Variants in CSMD1 observed in about 807,000 individuals in gnomAD.
CSMD1 encodes CUB and sushi domain-containing protein 1.
CSMD1 carries 213 observed loss-of-function variants against 417.5 expected under a neutral mutation model. The observed-to-expected ratio is 0.51, with a 90% confidence interval of 0.46 to 0.57. The LOEUF is 0.57. Ranked by LOEUF, CSMD1 falls within the 20% of genes least tolerant of loss-of-function variation. The probability of loss-of-function intolerance (pLI) is 0.00; values close to 1 mark genes in which losing one functional copy is unlikely to be tolerated. For missense variants in CSMD1, 6,923 were observed against 4,529.7 expected (o/e 1.53, Z -15.17); for synonymous variants, 2,862 against 1,736.8 (o/e 1.65, Z -16.11).
intron 2 of CSMD1, among the ~76,000 whole-genome samples, chr8:4,507,448 G>A (rs901310236): frequency 3.5e-4 from 54 of 152,124 alleles, no homozygotes; most frequent in African/African-American, 1.3e-3. Flanking sequence ...GTGCCAGGCT[G>A]TCCTTATCTC....
At chr8:4,355,599 C>T (rs1801381215) in intron 3 of CSMD1, among the ~76,000 whole-genome samples, 1 of 152,110 alleles carries the variant, frequency 6.6e-6, no homozygotes, top group Non-Finnish European at 1.5e-5. Flanking sequence ...AGTGTTCAGA[C>T]AGAAGAATAA....
intron 2 of CSMD1, among the ~76,000 whole-genome samples, chr8:4,461,829 C>T (rs1027878943): frequency 4.0e-5 from 6 of 151,432 alleles, no homozygotes; most frequent in Non-Finnish European, 7.4e-5. Context: ...CAAGCTCCAC[C>T]TACGGGGTTC....
At chr8:4,176,568 A>T (rs1798053712) in intron 3 of CSMD1, among the ~76,000 whole-genome samples, 1 of 152,014 alleles carries the variant, frequency 6.6e-6, no homozygotes, top group Non-Finnish European at 1.5e-5. Flanking sequence ...TTTTGGCAGT[A>T]GAAGTACCCT....
intron 5 of CSMD1, among the ~76,000 whole-genome samples, chr8:3,929,343 T>A (rs1265468565): frequency 6.6e-6 from 1 of 150,570 alleles, no homozygotes; most frequent in Non-Finnish European, 1.5e-5. Flanking sequence ...GCATACATAA[T>A]TTTTAATACT....
At chr8:3,439,016 G>A (rs1257017287) in intron 12 of CSMD1, among the ~76,000 whole-genome samples, 36 of 148,548 alleles carry the variant, frequency 2.4e-4, no homozygotes, top group Admixed American at 2.1e-3. Context: ...CAGCTACCCA[G>A]GAGGCTGAGG....
Position 4,683,220 on chromosome 8 carries a change from A to C in CSMD1, c.86-45662T>G, listed in dbSNP as rs369224789. Among the ~76,000 whole-genome samples, 365 of 152,178 alleles carry C rather than the reference A, an allele frequency of 2.4e-3. 15 individuals are homozygous for C. The South Asian group carries it at 0.061, about 25-fold the overall frequency. On this transcript the variant is annotated intron_variant, in intron 1 of 69. Coordinates refer to ENST00000635120, the MANE Select transcript of CSMD1 (RefSeq NM_033225.6). ...GTTCATGAAACAACTTAGTATTACC[A>C]TGAAGAGTCTAATGATCTCAATTTC...
chr8:4,055,517 G>C (rs943495495), intron 3 of CSMD1, among the ~76,000 whole-genome samples: 1 of 140,782 alleles, frequency 7.1e-6, no homozygotes, highest in African/African-American at 3.1e-5. Context: ...GTCAAAATCA[G>C]CTCAAATTTA....
At chr8:3,307,093 T>G (rs1503278) in intron 25 of CSMD1, among the ~76,000 whole-genome samples, 4 of 152,030 alleles carry the variant, frequency 2.6e-5, no homozygotes, top group African/African-American at 7.3e-5. Context: ...AAATATGACT[T>G]TGCTTCTCTT....
At chr8:4,451,145 C>G (rs567585124) in intron 2 of CSMD1, among the ~76,000 whole-genome samples, 1 of 151,266 alleles carries the variant, frequency 6.6e-6, no homozygotes, top group African/African-American at 2.4e-5. Context: ...CTGGGCAACA[C>G]AGTAAGACCC....
chr8:3,333,444 T>A (rs1370882985), intron 23 of CSMD1, among the ~76,000 whole-genome samples: 2 of 152,238 alleles, frequency 1.3e-5, no homozygotes, highest in Non-Finnish European at 2.9e-5. Context: ...GCTTATTGGA[T>A]ATTTTCCCAA....
chr8:3,987,788 C>A (rs966603426), intron 5 of CSMD1, among the ~76,000 whole-genome samples: 1 of 152,178 alleles, frequency 6.6e-6, no homozygotes, highest in Non-Finnish European at 1.5e-5. Flanking sequence ...CTCTGCGCCA[C>A]GTCAAGAAGC....
At chr8:3,385,166 T>C (rs1810928124) in intron 18 of CSMD1, among the ~76,000 whole-genome samples, 1 of 136,442 alleles carries the variant, frequency 7.3e-6, no homozygotes, top group Non-Finnish European at 1.5e-5. Context: ...TAATACATAA[T>C]ATATAAATAT....
chr8:3,979,508 T>C (rs1813695211), intron 5 of CSMD1, among the ~76,000 whole-genome samples: 2 of 152,180 alleles, frequency 1.3e-5, no homozygotes, highest in Non-Finnish European at 2.9e-5. Flanking sequence ...AAAATTCATA[T>C]ACAGAAGCTG....
intron 5 of CSMD1, among the ~76,000 whole-genome samples, chr8:3,940,597 G>C (rs895567633): frequency 2.0e-5 from 3 of 148,742 alleles, no homozygotes; most frequent in African/African-American, 7.4e-5. Context: ...CAACAAAAAA[G>C]AACATATACA....
At chr8:4,348,066 G>A (rs34381340) in intron 3 of CSMD1, among the ~76,000 whole-genome samples, 17,803 of 152,046 alleles carry the variant, frequency 0.12, 1,428 homozygotes, top group African/African-American at 0.22. Flanking sequence ...AAATACACCA[G>A]GCAAAAACAA....
intron 3 of CSMD1, among the ~76,000 whole-genome samples, chr8:4,063,143 C>T (rs62501267): frequency 0.23 from 35,128 of 151,680 alleles, 4,753 homozygotes; most frequent in East Asian, 0.63. Flanking sequence ...TTTCAAAATG[C>T]CTAGAAGATT....
rs776260093 is a variant in CSMD1 at position 2,974,557 on chromosome 8, G to A, written c.8634C>T (p.Gly2878=). ...CTCTGCAGGAGTAGTGCACGACGGC[G>A]CCATAGGTAAACAGCTCTCCAGTGA... ...AVLTGELFTY[G]AVVHYSCRGS... is the part of the protein sequence containing the mutation. The change falls in exon 56 of 70, where the codon GGC becomes GGT. Residue 2878 remains glycine, a synonymous_variant. Coordinates refer to ENST00000635120, the MANE Select transcript of CSMD1 (RefSeq NM_033225.6). The A allele has an allele frequency of 1.2e-5, 20 of 1,612,660 alleles. No homozygotes were observed. The highest frequency in any genetic ancestry group is 8.9e-5 in the East Asian group (4 of 44,778).
At chr8:4,650,754 C>T (rs1231073823) in intron 1 of CSMD1, among the ~76,000 whole-genome samples, 5 of 151,724 alleles carry the variant, frequency 3.3e-5, no homozygotes, top group Non-Finnish European at 7.4e-5. Flanking sequence ...TGTATTTTGC[C>T]TATTTAAGCA....
intron 1 of CSMD1, among the ~76,000 whole-genome samples, chr8:4,719,549 C>T (rs1808915979): frequency 8.6e-6 from 1 of 116,768 alleles, no homozygotes; most frequent in Admixed American, 1.1e-4. Flanking sequence ...TCACAACAAA[C>T]TTATTTTTAA....
Sources: allele counts gnomAD v4.1 joint callset (sites outside exome capture counted in the v4.1 genomes callset), GRCh38; gene constraint gnomAD v4.1.1; transcripts MANE v1.5; gene names NCBI Gene and HGNC (gene_info 2026-07-23, HGNC 2026-07-21).